HERPUD2: variants seen among roughly 807,000 people sequenced by gnomAD.
HERPUD2 encodes the protein HERPUD family member 2, also known as homocysteine-responsive endoplasmic reticulum-resident ubiquitin-like domain member 2 protein.
A neutral mutation model predicts 49.9 loss-of-function variants in HERPUD2; 13 were observed. The ratio of observed to expected loss-of-function variants is 0.26; its 90% confidence interval spans 0.17 to 0.41. The LOEUF is 0.41. Among genes scored for constraint, HERPUD2 ranks in the 10% least tolerant of loss-of-function variants. The pLI is 1.00. For synonymous variants in HERPUD2, 172 were observed against 171.4 expected (o/e 1.00, Z -0.03); for missense variants, 449 against 492.2 (o/e 0.91, Z 0.83).
At chr7:35,664,167 G>A (rs1269707035) in intron 5 of HERPUD2, among the ~76,000 whole-genome samples, 1 of 152,166 alleles carries the variant, frequency 6.6e-6, no homozygotes, top group Admixed American at 6.5e-5. Context: ...GAGTTTGGCT[G>A]AATATGAAAT....
intron 2 of HERPUD2, among the ~76,000 whole-genome samples, chr7:35,690,733 C>G (rs547987988): frequency 2.6e-4 from 40 of 151,682 alleles, no homozygotes; most frequent in African/African-American, 9.2e-4. Flanking sequence ...TGCTTGAAGG[C>G]GGGAGGCAGA....
chr7:35,681,166 AT>A lies in HERPUD2; in HGVS notation c.148-7889del, dbSNP rs1214901061. Among the ~76,000 whole-genome samples the A allele has an allele frequency of 2.0e-5, 3 of 152,222 alleles. No individual in the cohort carries two copies. In the East Asian group the frequency reaches 5.8e-4, roughly 29 times the overall value. On this transcript the variant is annotated intron_variant, in intron 2 of 8. Transcript: ENST00000311350. ...GATAAAGAAGCAATCATATATTAGT[AT>A]TTTAGTATTTTTTCTTTAAATTAAT...
In HERPUD2 at chr7:35,633,212, G is replaced by C. The variant is rs550318977; in HGVS notation, c.*478C>G. 6.6e-6 allele frequency: 1 copy of C among 152,000 alleles called. No individual in the cohort carries two copies. The highest frequency in any genetic ancestry group is 2.4e-5 in the African/African-American group (1 of 41,322). 9.4% of individuals were successfully genotyped at this position (152,000 alleles called of 1,614,324 possible). On this transcript the variant is annotated 3_prime_UTR_variant, in exon 9 of 9. Transcript: ENST00000311350. ...CCCCCAAGTAGCTGGGATTACAGGC[G>C]CGTGACACCACACCCGGCTAATTTT...
At position 35,660,903 on chromosome 7, in the gene HERPUD2, T is replaced by G. The variant is rs1399414777; in HGVS notation, c.494+6531A>C. 3.3e-5 allele frequency among the ~76,000 whole-genome samples: 5 copies of G among 152,256 alleles called. No homozygotes were observed. The South Asian group carries it at 1.0e-3, about 31-fold the overall frequency. On this transcript the variant is annotated intron_variant, in intron 5 of 8. Coordinates refer to ENST00000311350, the MANE Select transcript of HERPUD2 (RefSeq NM_022373.5). Reference sequence around the variant, plus strand: ...TTTAATTAGATCCCATTGGTCAATTTTGGCTTTTGATGCCATTGCTTTTGG... The same window carrying G: ...TTTAATTAGATCCCATTGGTCAATTGTGGCTTTTGATGCCATTGCTTTTGG...
chr7:35,687,799 T>G (rs1187680285), intron 2 of HERPUD2, among the ~76,000 whole-genome samples: 1 of 152,210 alleles, frequency 6.6e-6, no homozygotes, highest in African/African-American at 2.4e-5. Flanking sequence ...TCCTGGAGTC[T>G]GATAAATGGG....
At chr7:35,641,922 A>G (rs1784973076) in intron 5 of HERPUD2, among the ~76,000 whole-genome samples, 1 of 152,218 alleles carries the variant, frequency 6.6e-6, no homozygotes, top group Non-Finnish European at 1.5e-5. Context: ...TTTCATGACA[A>G]AGATGCCAAA....
intron 5 of HERPUD2, among the ~76,000 whole-genome samples, chr7:35,654,736 C>T (rs547437690): frequency 3.3e-5 from 5 of 149,678 alleles, no homozygotes; most frequent in Non-Finnish European, 5.9e-5. Flanking sequence ...AGTGCAGTGG[C>T]GCAATCTTGG....
At chr7:35,691,237 A>G (rs1296398009) in intron 2 of HERPUD2, among the ~76,000 whole-genome samples, 1 of 152,186 alleles carries the variant, frequency 6.6e-6, no homozygotes, top group African/African-American at 2.4e-5. Flanking sequence ...AAGTGAATTT[A>G]ATATACCCAT....
chr7:35,694,616 G>T lies in HERPUD2; in HGVS notation c.-286C>A. 1 of 443,592 alleles carries T rather than the reference G, an allele frequency of 2.3e-6. No individual in the cohort carries two copies. The highest frequency in any genetic ancestry group is 4.2e-6 in the Non-Finnish European group (1 of 240,732). 27.5% of individuals were successfully genotyped at this position (443,592 alleles called of 1,614,324 possible). ...CTCCGGACTGTGGAGGCCGTCGTGA[G>T]GAGAAAGGAAGCTATACGAAGGAAG... On this transcript the variant is annotated 5_prime_UTR_variant, in exon 2 of 9. Coordinates refer to ENST00000311350, the MANE Select transcript of HERPUD2 (RefSeq NM_022373.5).
intron 2 of HERPUD2, among the ~76,000 whole-genome samples, chr7:35,686,808 TGGGGGGGGGGGGGTGGGGGGGTG>T (rs1353372766): frequency 4.7e-4 from 2 of 4,296 alleles, no homozygotes; most frequent in South Asian, 6.0e-3. Context: ...TTTGGGAGGC[TGGGGGGGGGGGGGTGGGGGGGTG>T]GGGGGGGGCG....
intron 2 of HERPUD2, among the ~76,000 whole-genome samples, chr7:35,684,195 G>A (rs534551332): frequency 7.9e-5 from 12 of 152,190 alleles, no homozygotes; most frequent in Admixed American, 4.6e-4. Flanking sequence ...CACCACCCTG[G>A]CTAACACGGT....
intron 5 of HERPUD2, among the ~76,000 whole-genome samples, chr7:35,652,291 T>C (rs539248331): frequency 6.6e-6 from 1 of 152,278 alleles, no homozygotes; most frequent in Admixed American, 6.5e-5. Flanking sequence ...TTTTCAAACC[T>C]GTACTGTTGT....
intron 5 of HERPUD2, among the ~76,000 whole-genome samples, chr7:35,653,598 T>C (rs1477159206): frequency 1.3e-5 from 2 of 151,512 alleles, no homozygotes; most frequent in Non-Finnish European, 2.9e-5. Flanking sequence ...CCAACAGGTA[T>C]AGAATACACA....
chr7:35,693,553 A>T (rs772512530), intron 2 of HERPUD2, among the ~76,000 whole-genome samples: 68 of 151,778 alleles, frequency 4.5e-4, no homozygotes, highest in Non-Finnish European at 8.1e-4. Flanking sequence ...GTAGTGCTTT[A>T]TCTTTTTTTT....
chr7:35,638,587 G>T, intron 5 of HERPUD2, 115 bp from the exon 6 acceptor site: 1 of 1,050,040 alleles, frequency 9.5e-7, no homozygotes, highest in Non-Finnish European at 1.3e-6. Flanking sequence ...AAATCTCACT[G>T]AAAAGAAAAA....
At chr7:35,659,712 A>T in intron 5 of HERPUD2, among the ~76,000 whole-genome samples, 1 of 152,158 alleles carries the variant, frequency 6.6e-6, no homozygotes, top group East Asian at 1.9e-4. Flanking sequence ...ATTAAGCTAT[A>T]CTGCCTTCAT....
chr7:35,674,228 C>T (rs1785700688), intron 2 of HERPUD2, among the ~76,000 whole-genome samples: 1 of 151,460 alleles, frequency 6.6e-6, no homozygotes, highest in Admixed American at 6.6e-5. Flanking sequence ...AAAGGTATAG[C>T]TATCCTTCCA....
Position 35,633,564 on chromosome 7 carries a change from T to C in HERPUD2, c.*126A>G. 1.5e-6 allele frequency: 1 copy of C among 659,546 alleles called. No individual in the cohort carries two copies. The highest frequency in any genetic ancestry group is 2.4e-6 in the Non-Finnish European group (1 of 413,912). The allele number at this position is 659,546 out of a possible 1,614,324, so 40.9% of individuals were successfully genotyped here. ...AAAATATTCATATGCATGAGAAGCC[T>C]AAAGAAAAAAAACACCTCTGTACAT... is the stretch of plus-strand genomic sequence containing the variant. On this transcript the variant is annotated 3_prime_UTR_variant, in exon 9 of 9. Coordinates refer to ENST00000311350, the MANE Select transcript of HERPUD2 (RefSeq NM_022373.5).
intron 3 of HERPUD2, among the ~76,000 whole-genome samples, chr7:35,671,309 T>C (rs1785639750): frequency 6.6e-6 from 1 of 151,974 alleles, no homozygotes. Flanking sequence ...AGAACAGTCT[T>C]TTTTTCATGA....
Sources: allele counts gnomAD v4.1 joint callset (sites outside exome capture counted in the v4.1 genomes callset), GRCh38; gene constraint gnomAD v4.1.1; transcripts MANE v1.5; gene names NCBI Gene and HGNC (gene_info 2026-07-23, HGNC 2026-07-21).